ZNF610: variants seen among roughly 807,000 people sequenced by gnomAD.
ZNF610 encodes the protein zinc finger protein 610.
A neutral mutation model predicts 14.1 loss-of-function variants in ZNF610; 14 were observed. That is an observed-to-expected ratio of 0.99 (90% CI 0.65 to 1.55). ZNF610 has a LOEUF of 1.55. Among genes scored for constraint, ZNF610 ranks in the 40% most tolerant of loss-of-function variants. ZNF610 has a pLI of 0.00. For synonymous variants in ZNF610, 185 were observed against 187.6 expected, an observed-to-expected ratio of 0.99 and a Z score of 0.11; for missense variants, 530 against 558.0, an observed-to-expected ratio of 0.95 and a Z score of 0.51.
At chr19:52,355,652 C>T (rs529786634) in intron 5 of ZNF610, among the ~76,000 whole-genome samples, 1 of 152,372 alleles carries the variant, frequency 6.6e-6, no homozygotes, top group East Asian at 1.9e-4. Flanking sequence ...TAGATTGTCA[C>T]CTTTCTGTCT....
Position 52,348,908 on chromosome 19 carries a change from A to G in ZNF610, c.-19-246A>G, listed in dbSNP as rs532865734. 1.2e-4 allele frequency among the ~76,000 whole-genome samples: 19 copies of G among 152,298 alleles called. No homozygotes were observed. In the East Asian group the frequency reaches 3.5e-3, roughly 28 times the overall value. ...TTCCCTGAATGGGGCAGCTCAGTCCAGCCTAGCTCCCTACTGCTGTAGCGT... is the reference window on the plus strand; with the variant it reads ...TTCCCTGAATGGGGCAGCTCAGTCCGGCCTAGCTCCCTACTGCTGTAGCGT... On this transcript the variant is annotated intron_variant, in intron 2 of 5. Coordinates refer to ENST00000403906, the MANE Select transcript of ZNF610 (RefSeq NM_001161425.2).
At chr19:52,365,617 T>G in intron 5 of ZNF610, 81 bp from the exon 6 acceptor site, 1 of 1,261,356 alleles carries the variant, frequency 7.9e-7, no homozygotes, top group Non-Finnish European at 1.1e-6. Flanking sequence ...CTGAGTTGGG[T>G]GAGGCTGATT....
At chr19:52,335,552 G>A (rs1568642496), upstream of ZNF610, among the ~76,000 whole-genome samples, 1 of 152,158 alleles carries the variant, frequency 6.6e-6, no homozygotes, top group Non-Finnish European at 1.5e-5. Context: ...GGGAAAGGCA[G>A]ACCCACCTCA....
chr19:52,363,042 AAAG>A (rs1985855252), intron 5 of ZNF610, among the ~76,000 whole-genome samples: 1 of 152,042 alleles, frequency 6.6e-6, no homozygotes, highest in South Asian at 2.1e-4. Flanking sequence ...GGGAAGAAAG[AAAG>A]AAGAAGCTCC....
chr19:52,352,006 T>C (rs1038983334), intron 3 of ZNF610, among the ~76,000 whole-genome samples: 14 of 152,280 alleles, frequency 9.2e-5, no homozygotes, highest in Admixed American at 5.9e-4. Flanking sequence ...ACAAAGCCAA[T>C]TGGTCTGTGT....
chr19:52,349,804 C>T lies in ZNF610; in HGVS notation c.63+569C>T, dbSNP rs184493609. Reference sequence around the variant, plus strand: ...CAGGCTGGTCTCGAACCCCTGACCTCGTGATCCACCTGCCTCGGCCTCCCA... The same window carrying T: ...CAGGCTGGTCTCGAACCCCTGACCTTGTGATCCACCTGCCTCGGCCTCCCA... On this transcript the variant is annotated intron_variant, in intron 3 of 5. Coordinates refer to ENST00000403906, the MANE Select transcript of ZNF610 (RefSeq NM_001161425.2). 2.8e-3 allele frequency among the ~76,000 whole-genome samples: 432 copies of T among 152,126 alleles called. 5 individuals are homozygous for T. The East Asian group carries it at 0.058, about 20-fold the overall frequency.
chr19:52,362,181 C>T (rs955446197), intron 5 of ZNF610, among the ~76,000 whole-genome samples: 1 of 152,318 alleles, frequency 6.6e-6, no homozygotes, highest in East Asian at 1.9e-4. Context: ...GAGGCCGAGG[C>T]GGGTGGATCA....
chr19:52,347,884 G>T lies in ZNF610; in HGVS notation c.-80G>T, dbSNP rs563615222. 5 of 152,132 alleles carry T rather than the reference G, an allele frequency of 3.3e-5. No homozygotes were observed. The East Asian group carries it at 7.7e-4, about 23-fold the overall frequency. 9.4% of individuals were successfully genotyped at this position (152,132 alleles called of 1,614,324 possible). A position where few individuals can be genotyped will look rare whatever the true frequency, so the allele number is the denominator to read the frequency against. On this transcript the variant is annotated 5_prime_UTR_variant, in exon 2 of 6. Transcript: ENST00000403906. ...AGTTATGTCGTAGGCCATCACATTC[G>T]GTCACCACACACTCACTGACTCATC...
rs545875541 is a variant in ZNF610 at position 52,348,813 on chromosome 19, TG to T, written c.-19-340del. On this transcript the variant is annotated intron_variant, in intron 2 of 5. Transcript: ENST00000403906. ...TGTCCTCCATTTCTGAGGGCTTACA[TG>T]AGCCTGGGATCCATAGAGAGGGGAG... 6.5e-4 allele frequency among the ~76,000 whole-genome samples: 99 copies of T among 152,302 alleles called. 2 individuals are homozygous for T. The East Asian group carries it at 0.019, about 29-fold the overall frequency.
At chr19:52,360,237 G>A (rs1303909990) in intron 5 of ZNF610, among the ~76,000 whole-genome samples, 2 of 152,216 alleles carry the variant, frequency 1.3e-5, no homozygotes, top group Non-Finnish European at 2.9e-5. Flanking sequence ...GGTGAATGGA[G>A]GGCAGGAAAA....
In ZNF610 at chr19:52,353,665, TGTG is replaced by T; in HGVS notation, c.64-14_64-12del. ...TCTACATTTTTAGTGTTGTAAACAA[TGTG>T]GTCCTCATTTTAGGGACGCTTGACA... On this transcript the variant is annotated splice_polypyrimidine_tract_variant and intron_variant, in intron 3 of 5. Transcript: ENST00000403906. 3 of 1,613,102 alleles carry T rather than the reference TGTG, an allele frequency of 1.9e-6. No homozygotes were observed. Among genetic ancestry groups the T allele is most frequent in the Non-Finnish European group, 1.7e-6 (2 of 1,179,462 alleles).
chr19:52,337,126 A>T (rs1204291086), intron 1 of ZNF610, among the ~76,000 whole-genome samples: 1 of 152,146 alleles, frequency 6.6e-6, no homozygotes, highest in Non-Finnish European at 1.5e-5. Flanking sequence ...CTCCAGAGAG[A>T]TGAAGATGAA....
chr19:52,344,690 C>T (rs554507537), intron 1 of ZNF610, among the ~76,000 whole-genome samples: 5 of 152,298 alleles, frequency 3.3e-5, no homozygotes, highest in African/African-American at 7.2e-5. Flanking sequence ...CGAGTTTAAC[C>T]GTGGTCTGAA....
intron 3 of ZNF610, among the ~76,000 whole-genome samples, chr19:52,353,397 C>T (rs1441889473): frequency 6.6e-6 from 1 of 152,200 alleles, no homozygotes; most frequent in Non-Finnish European, 1.5e-5. Context: ...GTTAGTGGTG[C>T]ATGCCTATAA....
intron 5 of ZNF610, among the ~76,000 whole-genome samples, chr19:52,354,999 T>C (rs1372026756): frequency 6.6e-6 from 1 of 152,222 alleles, no homozygotes; most frequent in Non-Finnish European, 1.5e-5. Context: ...CTCTTGTCAC[T>C]CAGTTCTATA....
chr19:52,336,669 G>A (rs918264202), intron 1 of ZNF610, among the ~76,000 whole-genome samples, 163 bp downstream of exon 1: 16 of 152,154 alleles, frequency 1.1e-4, no homozygotes, highest in African/African-American at 2.4e-5. Flanking sequence ...CCCCAGTCCC[G>A]GCGGGGGAGG....
intron 1 of ZNF610, among the ~76,000 whole-genome samples, chr19:52,338,240 C>A (rs537967917): frequency 6.4e-4 from 98 of 152,292 alleles, no homozygotes; most frequent in Middle Eastern, 3.4e-3. Context: ...TTCCCATGAC[C>A]CTTTCCTCAC....
the ZNF610 span, among the ~76,000 whole-genome samples, chr19:52,330,710 T>C: frequency 6.6e-6 from 1 of 152,060 alleles, no homozygotes; most frequent in Non-Finnish European, 1.5e-5. Flanking sequence ...CTCAGCAAAT[T>C]GTACACCTCA....
chr19:52,364,158 G>A (rs10419807), intron 5 of ZNF610, among the ~76,000 whole-genome samples: 29,461 of 152,168 alleles, frequency 0.19, 2,967 homozygotes, highest in East Asian at 0.25. Flanking sequence ...TGTGCTAGAA[G>A]TTCCTTCTAT....
Sources: allele counts gnomAD v4.1 joint callset (sites outside exome capture counted in the v4.1 genomes callset), GRCh38; gene constraint gnomAD v4.1.1; transcripts MANE v1.5; gene names NCBI Gene and HGNC (gene_info 2026-07-23, HGNC 2026-07-21).